OTUD7A: variants seen among roughly 807,000 people sequenced by gnomAD.
OTUD7A encodes the protein OTU domain-containing protein 7A.
A neutral mutation model predicts 65.7 loss-of-function variants in OTUD7A; 12 were observed. The observed-to-expected ratio is 0.18, with a 90% CI of 0.12 to 0.30. OTUD7A has a LOEUF of 0.30. Ranked by LOEUF, OTUD7A falls within the 10% of genes least tolerant of loss-of-function variation. OTUD7A has a pLI of 1.00. For synonymous variants in OTUD7A, 641 were observed against 586.3 expected (o/e 1.09, Z -1.35); for missense variants, 1,148 against 1,304.8 (o/e 0.88, Z 1.85).
At chr15:31,842,758 G>A (rs752464434) in intron 1 of OTUD7A, among the ~76,000 whole-genome samples, 4 of 152,102 alleles carry the variant, frequency 2.6e-5, no homozygotes, top group South Asian at 2.1e-4. Flanking sequence ...AAATCACATC[G>A]CTGCCTCCCT....
At chr15:31,511,744 T>C (rs376072239) in intron 8 of OTUD7A, among the ~76,000 whole-genome samples, 1 of 140,644 alleles carries the variant, frequency 7.1e-6, no homozygotes, top group Non-Finnish European at 1.6e-5. Context: ...CACACATATA[T>C]ATGTATATCT....
At chr15:31,688,643 T>C (rs1892896460) in intron 1 of OTUD7A, among the ~76,000 whole-genome samples, 1 of 152,238 alleles carries the variant, frequency 6.6e-6, no homozygotes, top group Non-Finnish European at 1.5e-5. Context: ...GTAATAGTGC[T>C]ATACTTTTGT....
At chr15:31,527,606 T>TG (rs2042032282) in intron 6 of OTUD7A, among the ~76,000 whole-genome samples, 1 of 152,262 alleles carries the variant, frequency 6.6e-6, no homozygotes, top group East Asian at 1.9e-4. Flanking sequence ...TGGTTTGCTT[T>TG]GAGGACCTAA....
At chr15:31,641,127 G>A (rs2141262038) in intron 3 of OTUD7A, among the ~76,000 whole-genome samples, 1 of 151,984 alleles carries the variant, frequency 6.6e-6, no homozygotes. Context: ...CCCCCATCCT[G>A]TTCTTGTGAA....
At chr15:31,861,807 T>C (rs561142847) in intron 1 of OTUD7A, among the ~76,000 whole-genome samples, 1 of 151,486 alleles carries the variant, frequency 6.6e-6, no homozygotes, top group South Asian at 2.1e-4. Flanking sequence ...AACCAGAGAG[T>C]TTTCACTCAA....
intron 1 of OTUD7A, among the ~76,000 whole-genome samples, chr15:31,862,936 A>G (rs550227354): frequency 1.3e-5 from 2 of 152,310 alleles, no homozygotes; most frequent in Non-Finnish European, 1.5e-5. Context: ...CGAGCTACTT[A>G]CTTTCTAGAT....
intron 1 of OTUD7A, among the ~76,000 whole-genome samples, chr15:31,788,101 T>A (rs1426800889): frequency 6.6e-6 from 1 of 152,224 alleles, no homozygotes; most frequent in African/African-American, 2.4e-5. Context: ...TGGGTTCTCT[T>A]GCATTTCTAG....
At chr15:31,513,390 C>T (rs1415014163) in intron 8 of OTUD7A, among the ~76,000 whole-genome samples, 1 of 152,122 alleles carries the variant, frequency 6.6e-6, no homozygotes, top group Non-Finnish European at 1.5e-5. Flanking sequence ...GGAATTCACA[C>T]AGTTACATGC....
chr15:31,637,188 T>C (rs894628582), intron 3 of OTUD7A, among the ~76,000 whole-genome samples: 2 of 152,236 alleles, frequency 1.3e-5, no homozygotes, highest in Non-Finnish European at 2.9e-5. Flanking sequence ...TCAAAGCTTC[T>C]ACAGACAGGG....
rs967037118 is a variant in OTUD7A, at chr15:31,483,544, G to A, written c.2552C>T (p.Ala851Val). 3 of 1,322,690 alleles carry A rather than the reference G, an allele frequency of 2.3e-6. No individual in the cohort carries two copies. The highest frequency in any genetic ancestry group is 1.6e-5 in the African/African-American group (1 of 63,932). The allele number at this position is 1,322,690 out of a possible 1,614,324, so 81.9% of individuals were successfully genotyped here. ...GGTGTAGGTCTGCGACTTGTGCTCG[G>A]CCGCCCCCGCCGTCCCCGCCGCGCC... ...LPGAAGTAGA[A>V]EHKSQTYTNG... Residue 851 changes from alanine to valine, a missense_variant, in exon 13 of 13, where the codon GCC becomes GTC. Transcript: ENST00000307050.
intron 3 of OTUD7A, among the ~76,000 whole-genome samples, chr15:31,654,851 G>C (rs777862466): frequency 3.9e-5 from 6 of 152,288 alleles, no homozygotes; most frequent in Non-Finnish European, 8.8e-5. Flanking sequence ...CTAACACAGA[G>C]ATATGAAACT....
Position 31,810,429 on chromosome 15 carries a change from T to C in OTUD7A, c.-100+60078A>G, listed in dbSNP as rs147868039. Among the ~76,000 whole-genome samples, 17 of 152,082 alleles carry C rather than the reference T, an allele frequency of 1.1e-4. No homozygotes were observed. In the East Asian group the frequency reaches 2.3e-3, roughly 21 times the overall value. ...TCATAATGGTGGGGCCCTAAACCAATAGGGTTTGTGTCCATATAAGAAGAA... is the reference window on the plus strand; with the variant it reads ...TCATAATGGTGGGGCCCTAAACCAACAGGGTTTGTGTCCATATAAGAAGAA... On this transcript the variant is annotated intron_variant, in intron 1 of 12. Coordinates refer to ENST00000307050, the MANE Select transcript of OTUD7A (RefSeq NM_001382637.1).
chr15:31,844,356 T>C (rs1332230218), intron 1 of OTUD7A, among the ~76,000 whole-genome samples: 1 of 152,076 alleles, frequency 6.6e-6, no homozygotes, highest in Non-Finnish European at 1.5e-5. Context: ...AATACAAAAA[T>C]TAGCCAGGCG....
In OTUD7A at chr15:31,727,417, T is replaced by TC. The variant is rs916047529; in HGVS notation, c.-99-70341dup. On this transcript the variant is annotated intron_variant, in intron 1 of 12. Transcript: ENST00000307050. ...AAAACATTGATCTCTCCATCCACCCTCCTTTTTTTCCCCACTGCTGTCTCA... is the reference window on the plus strand; with the variant it reads ...AAAACATTGATCTCTCCATCCACCCTCCCTTTTTTTCCCCACTGCTGTCTCA... Among the ~76,000 whole-genome samples the TC allele has an allele frequency of 5.3e-4, 40 of 75,314 alleles. No homozygotes were observed. In the East Asian group the frequency reaches 0.017, roughly 32 times the overall value. 49.4% of individuals were successfully genotyped at this position (75,314 alleles called of 152,430 possible).
intron 1 of OTUD7A, among the ~76,000 whole-genome samples, chr15:31,726,783 C>T (rs986496714): frequency 8.5e-5 from 13 of 152,312 alleles, no homozygotes; most frequent in African/African-American, 2.9e-4. Context: ...TTAGAAGTGA[C>T]GATGGCATTG....
In OTUD7A at chr15:31,719,188, G is replaced by A. The variant is rs533275046; in HGVS notation, c.-99-62111C>T. ...CAGCCTTGAACTCCTGCACTCAAGCGATCTTCAGTCTCCCAAAGTGCTGGG... is the reference window on the plus strand; with the variant it reads ...CAGCCTTGAACTCCTGCACTCAAGCAATCTTCAGTCTCCCAAAGTGCTGGG... On this transcript the variant is annotated intron_variant, in intron 1 of 12. Coordinates refer to ENST00000307050, the MANE Select transcript of OTUD7A (RefSeq NM_001382637.1). 5.9e-5 allele frequency among the ~76,000 whole-genome samples: 9 copies of A among 152,302 alleles called. No homozygotes were observed. The East Asian group carries it at 1.7e-3, about 29-fold the overall frequency.
intron 1 of OTUD7A, among the ~76,000 whole-genome samples, chr15:31,750,518 A>G (rs1188022144): frequency 6.6e-6 from 1 of 152,130 alleles, no homozygotes; most frequent in East Asian, 1.9e-4. Context: ...TCCAAAATTT[A>G]CATGACATCA....
chr15:31,830,319 T>C (rs1188370594), intron 1 of OTUD7A, among the ~76,000 whole-genome samples: 1 of 152,206 alleles, frequency 6.6e-6, no homozygotes, highest in Non-Finnish European at 1.5e-5. Context: ...AAATGAAACA[T>C]CTGTCCTTCC....
At chr15:31,573,298 C>A in intron 3 of OTUD7A, among the ~76,000 whole-genome samples, 1 of 152,132 alleles carries the variant, frequency 6.6e-6, no homozygotes, top group Admixed American at 6.5e-5. Context: ...GTAGACAAAC[C>A]ATTTTAAACA....
Sources: gnomAD v4.1 joint callset for allele counts (sites outside exome capture counted in the v4.1 genomes callset) on GRCh38, gnomAD v4.1.1 for gene constraint, MANE v1.5 for transcripts, NCBI Gene and HGNC (gene_info 2026-07-23, HGNC 2026-07-21) for gene names.